The following MOXD1 variants were observed in gnomAD, a reference collection of about 807,000 sequenced individuals.
MOXD1 encodes DBH-like monooxygenase protein 1.
MOXD1 carries 62 observed loss-of-function variants against 66.6 expected under a neutral mutation model. The ratio of observed to expected loss-of-function variants is 0.93; its 90% CI spans 0.76 to 1.15. MOXD1 has a LOEUF of 1.15. Ranked by LOEUF, MOXD1 falls within the 50% of genes most tolerant of loss-of-function variation. The pLI, the probability that MOXD1 is intolerant of heterozygous loss-of-function variation, is 0.00. For synonymous variants in MOXD1, 303 were observed against 281.9 expected, an observed-to-expected ratio of 1.07 and a Z score of -0.75; for missense variants, 847 against 754.6, an observed-to-expected ratio of 1.12 and a Z score of -1.44.
In MOXD1 at chr6:132,401,282, C is replaced by A. The variant is rs751579535; in HGVS notation, c.145G>T (p.Ala49Ser). Reference protein sequence around the residue: ...LGWSQRGSQIAFRLQVRTAGY... With the variant: ...LGWSQRGSQISFRLQVRTAGY... Reference sequence around the variant, plus strand: ...GCAGTGCGCACCTGGAGGCGGAAGGCGATCTGGCTGCCCCGCTGGCTCCAG... The same window carrying A: ...GCAGTGCGCACCTGGAGGCGGAAGGAGATCTGGCTGCCCCGCTGGCTCCAG... The change falls in exon 1 of 12, where the codon GCC becomes TCC. Residue 49 changes from alanine to serine, a missense_variant. Transcript: ENST00000367963. The A allele has an allele frequency of 5.6e-6, 9 of 1,598,090 alleles. No homozygotes were observed. The highest frequency in any genetic ancestry group is 7.6e-6 in the Non-Finnish European group (9 of 1,177,558).
At chr6:132,300,302 T>C (rs1168550376) in intron 10 of MOXD1, among the ~76,000 whole-genome samples, 1 of 152,172 alleles carries the variant, frequency 6.6e-6, no homozygotes, top group Non-Finnish European at 1.5e-5. Flanking sequence ...AGAATTAGTA[T>C]CAAGCAAAAA....
chr6:132,374,928 A>G (rs1462921280), intron 1 of MOXD1, 151 bp from the exon 2 acceptor site: 4 of 737,156 alleles, frequency 5.4e-6, no homozygotes, highest in Non-Finnish European at 8.8e-6. Context: ...CTGGGGAATC[A>G]GGTCCCTGGG....
At chr6:132,340,175 G>C (rs559983692) in intron 4 of MOXD1, among the ~76,000 whole-genome samples, 1 of 152,172 alleles carries the variant, frequency 6.6e-6, no homozygotes, top group Admixed American at 6.5e-5. Flanking sequence ...GAGCCACCGC[G>C]CCTGGCCAAA....
In MOXD1 at chr6:132,398,935, C is replaced by CACAAAAAA. The variant is rs1554239404; in HGVS notation, c.264+2227_264+2228insTTTTTTGT. ...CCTGGGCAATAAAGAGAGACTTTGT[C>CACAAAAAA]AAAAAAAAAAAAAAAAAAAAGAGAA... On this transcript the variant is annotated intron_variant, in intron 1 of 11. Transcript: ENST00000367963. Among the ~76,000 whole-genome samples, 188 of 75,048 alleles carry CACAAAAAA rather than the reference C, an allele frequency of 2.5e-3. 4 individuals are homozygous for CACAAAAAA. The highest frequency in any genetic ancestry group is 2.9e-3 in the South Asian group (5 of 1,708). 49.2% of individuals were successfully genotyped at this position (75,048 alleles called of 152,430 possible). A position where few individuals can be genotyped will look rare whatever the true frequency, so the allele number is the denominator to read the frequency against.
chr6:132,388,341 A>C lies in MOXD1; in HGVS notation c.264+12822T>G, dbSNP rs180797835. On this transcript the variant is annotated intron_variant, in intron 1 of 11. Transcript: ENST00000367963. ...TAGGTTAAGGAGTTTGCCAAGGGCC[A>C]CACAATGAATAAGCAGCAAGCAGTG... Among the ~76,000 whole-genome samples the C allele has an allele frequency of 9.2e-5, 14 of 151,618 alleles. 1 individual carries two copies. The East Asian group carries it at 1.4e-3, about 15-fold the overall frequency.
intron 10 of MOXD1, among the ~76,000 whole-genome samples, chr6:132,315,308 G>A (rs78059985): frequency 0.014 from 2,059 of 152,236 alleles, 54 homozygotes; most frequent in African/African-American, 0.047. Flanking sequence ...GGAAGCTTGC[G>A]CCTGGTTTCC....
Position 132,374,076 on chromosome 6 carries a change from T to C in MOXD1, c.411+555A>G, listed in dbSNP as rs966748420. Among the ~76,000 whole-genome samples, 9 of 152,338 alleles carry C rather than the reference T, an allele frequency of 5.9e-5. No homozygotes were observed. In the South Asian group the frequency reaches 1.9e-3, roughly 32 times the overall value. On this transcript the variant is annotated intron_variant, in intron 2 of 11. Transcript: ENST00000367963. ...TTAATCCAAACAATTCATGGAAATTTCTGAAGTATTACATATCTTCTAAAT... is the reference window on the plus strand; with the variant it reads ...TTAATCCAAACAATTCATGGAAATTCCTGAAGTATTACATATCTTCTAAAT...
In MOXD1 at chr6:132,372,694, G is replaced by A. The variant is rs1378326901; in HGVS notation, c.580-3C>T. ...GTATCTTTGTTTGGGATGGGGACCTGTCTTAATAAAAAGGGGAGGAAGACA... is the reference window on the plus strand; with the variant it reads ...GTATCTTTGTTTGGGATGGGGACCTATCTTAATAAAAAGGGGAGGAAGACA... On this transcript the variant is annotated splice_region_variant and splice_polypyrimidine_tract_variant and intron_variant, in intron 3 of 11. Coordinates refer to ENST00000367963, the MANE Select transcript of MOXD1 (RefSeq NM_015529.4). 6.2e-6 allele frequency: 10 copies of A among 1,613,330 alleles called. No individual in the cohort carries two copies. The South Asian group carries it at 1.1e-4, about 18-fold the overall frequency.
chr6:132,313,981 C>T (rs1259675746), intron 10 of MOXD1, among the ~76,000 whole-genome samples: 2 of 152,086 alleles, frequency 1.3e-5, no homozygotes, highest in East Asian at 1.9e-4. Context: ...TACATAATTA[C>T]GTCAGTCCCT....
At chr6:132,352,390 C>T (rs1775818605) in intron 4 of MOXD1, among the ~76,000 whole-genome samples, 2 of 152,030 alleles carry the variant, frequency 1.3e-5, no homozygotes, top group South Asian at 4.1e-4. Context: ...CATTTTTGAC[C>T]CAATGCTCAC....
At chr6:132,325,314 G>T (rs754662472) in intron 6 of MOXD1, among the ~76,000 whole-genome samples, 2 of 152,184 alleles carry the variant, frequency 1.3e-5, no homozygotes, top group African/African-American at 2.4e-5. Flanking sequence ...GTCACCTGGG[G>T]CAAATGCTAT....
At chr6:132,353,501 T>A (rs995678497) in intron 4 of MOXD1, among the ~76,000 whole-genome samples, 5 of 152,208 alleles carry the variant, frequency 3.3e-5, no homozygotes, top group African/African-American at 1.2e-4. Flanking sequence ...CAATTCCTTC[T>A]CGCTTGTAGG....
intron 1 of MOXD1, among the ~76,000 whole-genome samples, chr6:132,376,168 A>T (rs1776374300): frequency 6.6e-6 from 1 of 152,220 alleles, no homozygotes; most frequent in South Asian, 2.1e-4. Context: ...ATTTTTGAGA[A>T]GTTGTACAGT....
chr6:132,333,140 T>C (rs1309810404), intron 4 of MOXD1, among the ~76,000 whole-genome samples: 2 of 151,922 alleles, frequency 1.3e-5, no homozygotes, highest in Admixed American at 6.6e-5. Flanking sequence ...ATCGAGACCA[T>C]CCTGGCTAAC....
chr6:132,315,581 G>A (rs1582565579), intron 10 of MOXD1, 54 bp downstream of exon 10: 2 of 1,535,382 alleles, frequency 1.3e-6, no homozygotes, highest in East Asian at 4.6e-5. Context: ...TGACAATAAA[G>A]CCCATCTTTC....
At chr6:132,351,765 T>A (rs1438869204) in intron 4 of MOXD1, among the ~76,000 whole-genome samples, 1 of 152,148 alleles carries the variant, frequency 6.6e-6, no homozygotes, top group African/African-American at 2.4e-5. Flanking sequence ...GGCCCCGGAC[T>A]TTTTTATTGT....
chr6:132,382,652 A>C (rs377215621), intron 1 of MOXD1, among the ~76,000 whole-genome samples: 2 of 152,316 alleles, frequency 1.3e-5, no homozygotes. Context: ...ACATGTTGTC[A>C]CAAGATATTT....
chr6:132,392,411 G>T (rs1043245476), intron 1 of MOXD1: 238 of 1,423,520 alleles, frequency 1.7e-4, no homozygotes, highest in Non-Finnish European at 8.5e-5. Context: ...CAACAACGTT[G>T]CTCTCTTCTC....
In MOXD1 at chr6:132,304,181, T is replaced by C. The variant is rs188611109; in HGVS notation, c.1509-6226A>G. The stretch of plus-strand genomic sequence containing the variant: ...GTTCCATGCTCATGAATGGAATTAG[T>C]ACCCTTACAAAAGAGACTTGAGGGA... On this transcript the variant is annotated intron_variant, in intron 10 of 11. Coordinates refer to ENST00000367963, the MANE Select transcript of MOXD1 (RefSeq NM_015529.4). 3.6e-4 allele frequency among the ~76,000 whole-genome samples: 54 copies of C among 152,002 alleles called. No homozygotes were observed. The East Asian group carries it at 9.3e-3, about 26-fold the overall frequency.
Sources: allele counts gnomAD v4.1 joint callset (sites outside exome capture counted in the v4.1 genomes callset), GRCh38; gene constraint gnomAD v4.1.1; transcripts MANE v1.5; gene names NCBI Gene and HGNC (gene_info 2026-07-23, HGNC 2026-07-21).